ARHGAP15: variants seen among roughly 807,000 people sequenced by gnomAD.
ARHGAP15 encodes Rho GTPase activating protein 15.
In ARHGAP15, 51 loss-of-function variants were observed where a neutral mutation model predicts 63.7. The ratio of observed to expected loss-of-function variants is 0.80; its 90% CI spans 0.64 to 1.01. The LOEUF is 1.01. ARHGAP15 is among the 50% of genes least tolerant of loss of function. The pLI is 0.00. For synonymous variants in ARHGAP15, 191 were observed against 193.8 expected, an observed-to-expected ratio of 0.99 and a Z score of 0.12; for missense variants, 560 against 564.6, an observed-to-expected ratio of 0.99 and a Z score of 0.08.
intron 4 of ARHGAP15, among the ~76,000 whole-genome samples, chr2:143,224,612 C>T (rs955174871): frequency 6.6e-6 from 1 of 152,124 alleles, no homozygotes; most frequent in South Asian, 2.1e-4. Context: ...GGCTTTTAAG[C>T]TTGTATGAGT....
chr2:143,165,050 C>T (rs1690444031), intron 2 of ARHGAP15, among the ~76,000 whole-genome samples: 1 of 151,904 alleles, frequency 6.6e-6, no homozygotes. Context: ...TCAAGGAAGC[C>T]AAATGATTAA....
chr2:143,371,825 G>A (rs187694413), intron 6 of ARHGAP15, among the ~76,000 whole-genome samples: 1 of 151,974 alleles, frequency 6.6e-6, no homozygotes, highest in Admixed American at 6.6e-5. Flanking sequence ...TTCAGTTTGT[G>A]CATTCCATTA....
intron 12 of ARHGAP15, among the ~76,000 whole-genome samples, chr2:143,632,943 C>T (rs1321807887): frequency 6.6e-6 from 1 of 152,064 alleles, no homozygotes; most frequent in Non-Finnish European, 1.5e-5. Context: ...AAAACGGTTG[C>T]TAAACATGAA....
intron 11 of ARHGAP15, among the ~76,000 whole-genome samples, chr2:143,585,296 A>G (rs1028716480): frequency 6.6e-6 from 1 of 152,216 alleles, no homozygotes; most frequent in Admixed American, 6.5e-5. Context: ...AATATTTACA[A>G]ACTATATTTA....
At chr2:143,613,305 TGAC>T (rs1325233943) in intron 11 of ARHGAP15, among the ~76,000 whole-genome samples, 7 of 152,228 alleles carry the variant, frequency 4.6e-5, no homozygotes. Context: ...ATAATTAAAA[TGAC>T]TTCAAATTGG....
intron 13 of ARHGAP15, among the ~76,000 whole-genome samples, chr2:143,744,630 TGA>T (rs1420903591): frequency 6.6e-6 from 1 of 152,234 alleles, no homozygotes; most frequent in Non-Finnish European, 1.5e-5. Flanking sequence ...GGGAATCTAC[TGA>T]AGCTCCTTTA....
chr2:143,696,254 G>A (rs961652899), intron 12 of ARHGAP15, among the ~76,000 whole-genome samples: 3 of 151,846 alleles, frequency 2.0e-5, no homozygotes, highest in Non-Finnish European at 2.9e-5. Context: ...GACACCTTTT[G>A]TAATTTATCT....
At chr2:143,497,818 A>G (rs1287285865) in intron 9 of ARHGAP15, among the ~76,000 whole-genome samples, 1 of 151,866 alleles carries the variant, frequency 6.6e-6, no homozygotes, top group Non-Finnish European at 1.5e-5. Flanking sequence ...GACAAGTTGA[A>G]TTTTCCATGC....
intron 6 of ARHGAP15, among the ~76,000 whole-genome samples, chr2:143,310,702 C>T (rs1228118109): frequency 1.3e-5 from 2 of 151,948 alleles, no homozygotes; most frequent in Non-Finnish European, 2.9e-5. Flanking sequence ...AATTTACATA[C>T]TTTATTTACT....
intron 9 of ARHGAP15, among the ~76,000 whole-genome samples, chr2:143,517,132 A>G (rs572310997): frequency 6.6e-6 from 1 of 152,280 alleles, no homozygotes; most frequent in South Asian, 2.1e-4. Flanking sequence ...TATTTTTAAT[A>G]GAAACGGGGT....
intron 12 of ARHGAP15, among the ~76,000 whole-genome samples, chr2:143,627,654 A>G (rs1328627518): frequency 6.6e-6 from 1 of 152,132 alleles, no homozygotes; most frequent in African/African-American, 2.4e-5. Context: ...TCGGCTTTAT[A>G]TGGAAAGGGA....
intron 10 of ARHGAP15, among the ~76,000 whole-genome samples, chr2:143,531,725 AAG>A (rs984849472): frequency 3.2e-4 from 49 of 152,338 alleles, no homozygotes; most frequent in African/African-American, 1.2e-3. Flanking sequence ...GAGGAAAACA[AAG>A]ATGACATTTA....
chr2:143,536,049 G>A (rs917387793), intron 10 of ARHGAP15, among the ~76,000 whole-genome samples: 1 of 152,076 alleles, frequency 6.6e-6, no homozygotes, highest in African/African-American at 2.4e-5. Flanking sequence ...TATCATAGAT[G>A]AGAGCACTTA....
intron 11 of ARHGAP15, among the ~76,000 whole-genome samples, chr2:143,592,229 A>G (rs1697349589): frequency 6.6e-6 from 1 of 152,150 alleles, no homozygotes; most frequent in African/African-American, 2.4e-5. Context: ...ATTACTTTAT[A>G]TGTGTTTAAC....
At chr2:143,473,518 T>C (rs578044067) in intron 8 of ARHGAP15, among the ~76,000 whole-genome samples, 2 of 152,262 alleles carry the variant, frequency 1.3e-5, no homozygotes, top group South Asian at 2.1e-4. Flanking sequence ...GTTTGGAGGA[T>C]TAAGGGACAA....
At chr2:143,469,264 A>G (rs992160315) in intron 8 of ARHGAP15, among the ~76,000 whole-genome samples, 1 of 152,196 alleles carries the variant, frequency 6.6e-6, no homozygotes, top group Non-Finnish European at 1.5e-5. Flanking sequence ...GCATGAGTGA[A>G]ATTTCACAGG....
At chr2:143,610,061 A>C (rs1369955660) in intron 11 of ARHGAP15, among the ~76,000 whole-genome samples, 1 of 152,040 alleles carries the variant, frequency 6.6e-6, no homozygotes, top group African/African-American at 2.4e-5. Flanking sequence ...CTTGCTTGGG[A>C]ATATCGAGTA....
At chr2:143,535,568 T>C (rs1160047515) in intron 10 of ARHGAP15, among the ~76,000 whole-genome samples, 2 of 152,218 alleles carry the variant, frequency 1.3e-5, no homozygotes, top group African/African-American at 4.8e-5. Context: ...ACTGCAAAAG[T>C]AGCCTCTATA....
chr2:143,601,549 A>G (rs2105192908), intron 11 of ARHGAP15: 1 of 152,264 alleles, frequency 6.6e-6, no homozygotes, highest in South Asian at 2.1e-4. Flanking sequence ...GATGAAGTGG[A>G]TTGGAGACCA....
Sources: gnomAD v4.1 joint callset for allele counts (sites outside exome capture counted in the v4.1 genomes callset) on GRCh38, gnomAD v4.1.1 for gene constraint, MANE v1.5 for transcripts, NCBI Gene and HGNC (gene_info 2026-07-23, HGNC 2026-07-21) for gene names.